The following TRAPPC6B variants were observed in gnomAD, a reference collection of about 807,000 sequenced individuals.
TRAPPC6B encodes the protein trafficking protein particle complex subunit 6B, also known as TRAPP complex subunit 6B.
A neutral mutation model predicts 24.7 loss-of-function variants in TRAPPC6B; 27 were observed. The ratio of observed to expected loss-of-function variants is 1.09; its 90% confidence interval spans 0.81 to 1.51. The LOEUF (loss-of-function observed/expected upper bound fraction) is 1.51, where lower values mean the gene tolerates loss of function less well. TRAPPC6B is among the 40% of genes most tolerant of loss of function. TRAPPC6B has a pLI of 0.00. For synonymous variants in TRAPPC6B, 80 were observed against 66.6 expected (o/e 1.20, Z -0.98); for missense variants, 212 against 190.8 (o/e 1.11, Z -0.66).
intron 1 of TRAPPC6B, among the ~76,000 whole-genome samples, chr14:39,168,474 G>A (rs1444215229): frequency 1.3e-5 from 2 of 151,992 alleles, no homozygotes; most frequent in Admixed American, 6.6e-5. Flanking sequence ...AATAGAATTC[G>A]CTTCATTTCC....
intron 1 of TRAPPC6B, among the ~76,000 whole-genome samples, chr14:39,166,103 C>G (rs1380128497): frequency 6.8e-6 from 1 of 146,236 alleles, no homozygotes; most frequent in Non-Finnish European, 1.5e-5. Context: ...TGTCCAGCCT[C>G]TTTTTTTTTT....
At position 39,165,782 on chromosome 14, in the gene TRAPPC6B, G is replaced by A. The variant is rs533713764; in HGVS notation, c.81+4233C>T. On this transcript the variant is annotated intron_variant, in intron 1 of 5. Coordinates refer to ENST00000330149, the MANE Select transcript of TRAPPC6B (RefSeq NM_001079537.2). ...ACTGCATTTCAGCCTGCATGACAGAGCAAGACATTGTCTCTCTCTCTCTCT... is the reference window on the plus strand; with the variant it reads ...ACTGCATTTCAGCCTGCATGACAGAACAAGACATTGTCTCTCTCTCTCTCT... Among the ~76,000 whole-genome samples, 90 of 151,426 alleles carry A rather than the reference G, an allele frequency of 5.9e-4. 1 individual carries two copies. The highest frequency in any genetic ancestry group is 2.1e-3 in the African/African-American group (85 of 41,196).
At chr14:39,157,558 G>A in intron 3 of TRAPPC6B, 2 of 393,606 alleles carry the variant, frequency 5.1e-6, no homozygotes, top group East Asian at 7.3e-5. Flanking sequence ...CATCGAGGTG[G>A]CTGTCTTCCT....
Position 39,170,174 on chromosome 14 carries a change from C to A in TRAPPC6B, c.-79G>T. The A allele has an allele frequency of 6.9e-7, 1 of 1,447,434 alleles. No individual in the cohort carries two copies. Among genetic ancestry groups the A allele is most frequent in the Non-Finnish European group, 9.6e-7 (1 of 1,042,458 alleles). The allele number at this position is 1,447,434 out of a possible 1,614,324, so 89.7% of individuals were successfully genotyped here. On this transcript the variant is annotated 5_prime_UTR_variant, in exon 1 of 6. Coordinates refer to ENST00000330149, the MANE Select transcript of TRAPPC6B (RefSeq NM_001079537.2). ...GGGGTTCCAGCTCGCGCCTCAGCGA[C>A]TTCGCCGGCGCCGCGGCTCCGTCAG...
In TRAPPC6B at chr14:39,170,060, G is replaced by A. The variant is rs767076302; in HGVS notation, c.36C>T (p.Asn12=). ...ACTTGTACACTCCAGACACCATCTC[G>A]TTATGGAGAAGCAAAAACAACGCCT... is the stretch of plus-strand genomic sequence containing the variant. ...ADEALFLLLH[N]EMVSGVYKSA... The change falls in exon 1 of 6, where the codon AAC becomes AAT. Residue 12 remains asparagine, a synonymous_variant. Coordinates refer to ENST00000330149, the MANE Select transcript of TRAPPC6B (RefSeq NM_001079537.2). 6.2e-7 allele frequency: 1 copy of A among 1,614,092 alleles called. No individual in the cohort carries two copies. Among genetic ancestry groups the A allele is most frequent in the Non-Finnish European group, 8.5e-7 (1 of 1,180,008 alleles).
intron 1 of TRAPPC6B, among the ~76,000 whole-genome samples, chr14:39,166,005 T>C (rs2053104344): frequency 6.6e-6 from 1 of 152,190 alleles, no homozygotes; most frequent in African/African-American, 2.4e-5. Flanking sequence ...AGTTTCACCA[T>C]GTTGGCCAGG....
chr14:39,159,613 T>G, intron 1 of TRAPPC6B, 63 bp from the exon 2 acceptor site: 1 of 1,276,976 alleles, frequency 7.8e-7, no homozygotes, highest in Non-Finnish European at 1.1e-6. Flanking sequence ...ATTCAGAAAT[T>G]GTTTTACAAG....
intron 1 of TRAPPC6B, among the ~76,000 whole-genome samples, chr14:39,169,024 G>C (rs1045404316): frequency 1.3e-5 from 2 of 152,140 alleles, no homozygotes; most frequent in African/African-American, 4.8e-5. Flanking sequence ...CCAAAGAAAT[G>C]CTTAAGTGTA....
chr14:39,157,166 C>A, intron 3 of TRAPPC6B: 1 of 260,266 alleles, frequency 3.8e-6, no homozygotes, highest in South Asian at 4.8e-5. Context: ...TGAGAAAAGG[C>A]CTAAGAATTC....
At chr14:39,151,264 A>G (rs961234423) in intron 5 of TRAPPC6B, among the ~76,000 whole-genome samples, 1 of 151,582 alleles carries the variant, frequency 6.6e-6, no homozygotes, top group Non-Finnish European at 1.5e-5. Flanking sequence ...GTGGCAGGCA[A>G]CTGTAGTCCC....
At position 39,148,460 on chromosome 14, in the gene TRAPPC6B, A is replaced by G. The variant is rs942403522; in HGVS notation, c.*1890T>C. 5.5e-5 allele frequency: 21 copies of G among 384,162 alleles called. No homozygotes were observed. Among genetic ancestry groups the G allele is most frequent in the Non-Finnish European group, 8.8e-5 (19 of 217,128 alleles). The allele number at this position is 384,162 out of a possible 1,614,324, so 23.8% of individuals were successfully genotyped here. ...GTTTTAGGCCAAAAAAAAAGAAAAAAAAAATGGGGCTTTGTCAGCAAGGAA... is the reference window on the plus strand; with the variant it reads ...GTTTTAGGCCAAAAAAAAAGAAAAAGAAAATGGGGCTTTGTCAGCAAGGAA... On this transcript the variant is annotated 3_prime_UTR_variant, in exon 6 of 6. Transcript: ENST00000330149.
At chr14:39,158,442 C>CA in intron 2 of TRAPPC6B, 40 bp from the exon 3 acceptor site, 5 of 1,174,928 alleles carry the variant, frequency 4.3e-6, no homozygotes, top group East Asian at 2.4e-5. Flanking sequence ...ATTTCTCCTC[C>CA]AAAAAAAGCA....
intron 1 of TRAPPC6B, among the ~76,000 whole-genome samples, chr14:39,166,024 G>A (rs2053104585): frequency 6.6e-6 from 1 of 152,034 alleles, no homozygotes; most frequent in Non-Finnish European, 1.5e-5. Context: ...GGCTGGCCTG[G>A]AACTCCTGTC....
chr14:39,165,333 C>T (rs992944546), intron 1 of TRAPPC6B, among the ~76,000 whole-genome samples: 1 of 152,174 alleles, frequency 6.6e-6, no homozygotes, highest in Non-Finnish European at 1.5e-5. Flanking sequence ...CGTGAGCCAC[C>T]GCGCCTGGCA....
intron 1 of TRAPPC6B, among the ~76,000 whole-genome samples, chr14:39,159,980 G>C (rs139908007): frequency 6.6e-6 from 1 of 151,976 alleles, no homozygotes; most frequent in African/African-American, 2.4e-5. Context: ...CCACCACCAT[G>C]CCTGGTTAAT....
At chr14:39,157,775 A>C (rs1438334572) in intron 3 of TRAPPC6B, 1 of 238,800 alleles carries the variant, frequency 4.2e-6, no homozygotes, top group East Asian at 1.0e-4. Flanking sequence ...TGGGGAGGCA[A>C]TGTCCTGGGT....
chr14:39,163,231 C>T (rs1179734162), intron 1 of TRAPPC6B, among the ~76,000 whole-genome samples: 1 of 150,122 alleles, frequency 6.7e-6, no homozygotes, highest in Non-Finnish European at 1.5e-5. Flanking sequence ...ATTAGCCGGG[C>T]ATGGTGGCAC....
intron 1 of TRAPPC6B, among the ~76,000 whole-genome samples, chr14:39,162,270 C>A (rs559717112): frequency 2.6e-5 from 4 of 152,250 alleles, no homozygotes; most frequent in Admixed American, 2.6e-4. Context: ...AAGCAATCCT[C>A]CCACCTCAGT....
Position 39,148,698 on chromosome 14 carries a change from T to TAAATTTTTTCAAAATTA in TRAPPC6B, c.*1635_*1651dup, listed in dbSNP as rs1187613901. 1.6e-4 allele frequency: 64 copies of TAAATTTTTTCAAAATTA among 398,544 alleles called. No homozygotes were observed. Among genetic ancestry groups the TAAATTTTTTCAAAATTA allele is most frequent in the South Asian group, 1.1e-3 (9 of 7,856 alleles). 24.7% of individuals were successfully genotyped at this position (398,544 alleles called of 1,614,324 possible). On this transcript the variant is annotated 3_prime_UTR_variant, in exon 6 of 6. Transcript: ENST00000330149. ...CATGTATATTTGGTAGGAACTTTCC[T>TAAATTTTTTCAAAATTA]AAATTTTTTCAAAATTAAAATTTTT...
Sources: gnomAD v4.1 joint callset for allele counts (sites outside exome capture counted in the v4.1 genomes callset) on GRCh38, gnomAD v4.1.1 for gene constraint, MANE v1.5 for transcripts, NCBI Gene and HGNC (gene_info 2026-07-23, HGNC 2026-07-21) for gene names.